Variants in KCNN2 observed in about 807,000 individuals in gnomAD.
KCNN2 encodes the protein potassium calcium-activated channel subfamily N member 2.
Under a neutral mutation model 55.5 loss-of-function variants are expected in KCNN2, and 24 were observed. The ratio of observed to expected loss-of-function variants is 0.43; its 90% confidence interval spans 0.31 to 0.61. The LOEUF is 0.61. KCNN2 is among the 20% of genes least tolerant of loss of function. KCNN2 has a pLI of 0.08. For missense variants in KCNN2, 754 were observed against 853.6 expected, an observed-to-expected ratio of 0.88 and a Z score of 1.45; for synonymous variants, 431 against 336.1, an observed-to-expected ratio of 1.28 and a Z score of -3.09.
At chr5:114,240,979 A>T (rs549989384) in intron 2 of KCNN2, among the ~76,000 whole-genome samples, 144 of 152,324 alleles carry the variant, frequency 9.5e-4, no homozygotes, top group Non-Finnish European at 1.7e-3. Flanking sequence ...TTAAAAATAT[A>T]TAAAAATTAA....
chr5:114,482,986 T>G (rs943614046), intron 5 of KCNN2, among the ~76,000 whole-genome samples: 1 of 151,904 alleles, frequency 6.6e-6, no homozygotes, highest in Admixed American at 6.6e-5. Flanking sequence ...ATGGCATGTG[T>G]TTACCTATAT....
chr5:114,132,432 G>C (rs1752089801), intron 1 of KCNN2, among the ~76,000 whole-genome samples: 2 of 152,208 alleles, frequency 1.3e-5, no homozygotes, highest in Non-Finnish European at 1.5e-5. Flanking sequence ...TCGAAGATCA[G>C]ATGGTTGTAG....
intron 1 of KCNN2, among the ~76,000 whole-genome samples, chr5:114,173,036 A>G (rs2093600855): frequency 6.6e-6 from 1 of 152,056 alleles, no homozygotes; most frequent in Non-Finnish European, 1.5e-5. Flanking sequence ...ATTTTCCTCA[A>G]TATTTTCTTT....
chr5:114,110,193 G>C (rs1751569400), intron 1 of KCNN2, among the ~76,000 whole-genome samples: 1 of 152,010 alleles, frequency 6.6e-6, no homozygotes, highest in Non-Finnish European at 1.5e-5. Flanking sequence ...CCCAGTCTGA[G>C]ATATTTTGTT....
intron 1 of KCNN2, among the ~76,000 whole-genome samples, chr5:114,204,208 C>T (rs1283102224): frequency 6.6e-6 from 1 of 152,022 alleles, no homozygotes; most frequent in African/African-American, 2.4e-5. Context: ...CCCAACTGCA[C>T]CTTAAAATAT....
chr5:114,495,902 A>G lies in KCNN2; in HGVS notation c.2096A>G (p.Asn699Ser). 6.2e-7 allele frequency: 1 copy of G among 1,612,524 alleles called. No homozygotes were observed. Among genetic ancestry groups the G allele is most frequent in the Non-Finnish European group, 8.5e-7 (1 of 1,178,732 alleles). The change falls in exon 8 of 8, where the codon AAC (asparagine) becomes AGC (serine). Residue 699 changes from asparagine (N) to serine (S), a missense_variant. Coordinates refer to ENST00000673685, the MANE Select transcript of KCNN2 (RefSeq NM_021614.4). Reference sequence around the variant, plus strand: ...CTCAATCCTGTTTTTCAGACCCAGAACATCATGTATGATATGATTTCTGAC... The same window carrying G: ...CTCAATCCTGTTTTTCAGACCCAGAGCATCATGTATGATATGATTTCTGAC... ...NTLVDLAKTQ[N>S]IMYDMISDLN...
At chr5:114,495,802 C>T in intron 7 of KCNN2, 93 bp from the exon 8 acceptor site, 1 of 1,231,940 alleles carries the variant, frequency 8.1e-7, no homozygotes, top group Middle Eastern at 2.6e-4. Flanking sequence ...CACTGAATGC[C>T]ACCAGCAAGA....
intron 3 of KCNN2, among the ~76,000 whole-genome samples, chr5:114,421,564 G>A (rs905770832): frequency 9.9e-5 from 15 of 151,972 alleles, no homozygotes; most frequent in Non-Finnish European, 1.9e-4. Context: ...TACCAGAAGT[G>A]TATAAGTATT....
intron 1 of KCNN2, among the ~76,000 whole-genome samples, chr5:114,146,020 G>A (rs1260763896): frequency 6.6e-6 from 1 of 152,098 alleles, no homozygotes; most frequent in African/African-American, 2.4e-5. Flanking sequence ...ACAATTTCAG[G>A]TGTCTAGCAG....
In KCNN2 at chr5:114,349,164, G is replaced by A. The variant is rs181283290; in HGVS notation, c.-184-11781G>A. On this transcript the variant is annotated intron_variant, in intron 2 of 10. Transcript: ENST00000512097. ...TTTCCTATATATGGAATCATGTAACGTGTTCTGCGACTGGCTTTCCTTTAT... is the reference window on the plus strand; with the variant it reads ...TTTCCTATATATGGAATCATGTAACATGTTCTGCGACTGGCTTTCCTTTAT... 9.9e-5 allele frequency among the ~76,000 whole-genome samples: 15 copies of A among 152,136 alleles called. No homozygotes were observed. In the East Asian group the frequency reaches 2.3e-3, roughly 23 times the overall value.
intron 1 of KCNN2, among the ~76,000 whole-genome samples, chr5:114,199,055 C>A (rs771054423): frequency 6.6e-6 from 1 of 151,958 alleles, no homozygotes; most frequent in Non-Finnish European, 1.5e-5. Context: ...TATTGTATTG[C>A]TGTCTATTTC....
At chr5:114,174,078 G>T (rs115009405) in intron 1 of KCNN2, among the ~76,000 whole-genome samples, 375 of 152,062 alleles carry the variant, frequency 2.5e-3, no homozygotes, top group African/African-American at 8.7e-3. Flanking sequence ...TACCTTTTTA[G>T]TTAAATATTT....
intron 1 of KCNN2, among the ~76,000 whole-genome samples, chr5:114,125,775 C>T (rs180891649): frequency 1.3e-5 from 2 of 152,250 alleles, no homozygotes; most frequent in Admixed American, 1.3e-4. Flanking sequence ...CTGTCTTCTC[C>T]CTGTGTCTTT....
At chr5:114,142,342 C>T (rs1197159026) in intron 1 of KCNN2, among the ~76,000 whole-genome samples, 1 of 152,102 alleles carries the variant, frequency 6.6e-6, no homozygotes, top group Admixed American at 6.6e-5. Flanking sequence ...TTTCAGCTTT[C>T]TACATATGGC....
chr5:114,277,753 GT>G (rs1755521157), intron 2 of KCNN2, among the ~76,000 whole-genome samples: 1 of 152,042 alleles, frequency 6.6e-6, no homozygotes, highest in African/African-American at 2.4e-5. Context: ...TTTTTTCAAG[GT>G]TTTTAGCTGC....
intron 2 of KCNN2, among the ~76,000 whole-genome samples, chr5:114,230,448 C>T (rs1433775734): frequency 6.4e-5 from 8 of 125,102 alleles, no homozygotes; most frequent in Admixed American, 2.5e-4. Context: ...CCCACCCCAC[C>T]ACAGTCCCCA....
At chr5:114,193,878 T>G (rs1447215691) in intron 1 of KCNN2, among the ~76,000 whole-genome samples, 1 of 152,152 alleles carries the variant, frequency 6.6e-6, no homozygotes, top group Non-Finnish European at 1.5e-5. Flanking sequence ...ACAGCTCTAT[T>G]GAGATATAAT....
chr5:114,348,078 TGCAGCAGGCTGCA>T (rs1049411286), intron 2 of KCNN2, among the ~76,000 whole-genome samples: 47 of 152,278 alleles, frequency 3.1e-4, no homozygotes, highest in African/African-American at 1.1e-3. Context: ...CCAAACCACA[TGCAGCAGGCTGCA>T]TGTTGAGTGC....
At chr5:114,149,492 G>T (rs549467098) in intron 1 of KCNN2, among the ~76,000 whole-genome samples, 8 of 152,116 alleles carry the variant, frequency 5.3e-5, no homozygotes, top group African/African-American at 1.9e-4. Context: ...TTCTGGTCCC[G>T]TGATGCCGCC....
Sources: gnomAD v4.1 joint callset for allele counts (sites outside exome capture counted in the v4.1 genomes callset) on GRCh38, gnomAD v4.1.1 for gene constraint, MANE v1.5 for transcripts, NCBI Gene and HGNC (gene_info 2026-07-23, HGNC 2026-07-21) for gene names.